Variants in CECR2 observed in about 807,000 individuals in gnomAD.
CECR2 encodes the protein chromatin remodeling regulator CECR2.
CECR2 carries 30 observed loss-of-function variants against 154.5 expected under a neutral mutation model. The observed-to-expected ratio is 0.19, with a 90% CI of 0.15 to 0.26. CECR2 has a LOEUF of 0.26. Ranked by LOEUF, CECR2 falls within the 10% of genes least tolerant of loss-of-function variation. The probability of loss-of-function intolerance (pLI) is 1.00; values close to 1 mark genes in which losing one functional copy is unlikely to be tolerated. For synonymous variants in CECR2, 725 were observed against 683.7 expected (o/e 1.06, Z -0.94); for missense variants, 1,743 against 1,829.3 (o/e 0.95, Z 0.86).
intron 1 of CECR2, among the ~76,000 whole-genome samples, chr22:17,377,973 T>C (rs1361088586): frequency 6.6e-6 from 1 of 152,172 alleles, no homozygotes; most frequent in African/African-American, 2.4e-5. Context: ...GAATGTTATA[T>C]GCGTTTTGTT....
At chr22:17,530,290 G>A (rs977852518) in intron 9 of CECR2, among the ~76,000 whole-genome samples, 22 of 151,518 alleles carry the variant, frequency 1.5e-4, no homozygotes, top group African/African-American at 2.7e-4. Context: ...CAGTGGTGCC[G>A]CGCCCGGCAC....
At chr22:17,422,559 C>T (rs146691479) in intron 1 of CECR2, among the ~76,000 whole-genome samples, 1 of 152,132 alleles carries the variant, frequency 6.6e-6, no homozygotes, top group Admixed American at 6.6e-5. Flanking sequence ...GGTTTGGTGT[C>T]TGACATTAAT....
intron 1 of CECR2, among the ~76,000 whole-genome samples, chr22:17,471,514 TTTA>T (rs771618755): frequency 1.1e-4 from 16 of 151,492 alleles, no homozygotes; most frequent in Middle Eastern, 3.5e-3. Context: ...TGTGGGGTTT[TTTA>T]TTGTTGTTGT....
At chr22:17,428,697 C>T (rs2054369723) in intron 1 of CECR2, among the ~76,000 whole-genome samples, 1 of 152,006 alleles carries the variant, frequency 6.6e-6, no homozygotes, top group Non-Finnish European at 1.5e-5. Flanking sequence ...GGGCTGGTCT[C>T]GAACTCCTGG....
chr22:17,435,391 C>G (rs2054488426), intron 1 of CECR2, among the ~76,000 whole-genome samples: 1 of 152,182 alleles, frequency 6.6e-6, no homozygotes, highest in East Asian at 1.9e-4. Context: ...CAGACCTTGG[C>G]AGAAAGATCG....
At chr22:17,377,433 T>TTC in intron 1 of CECR2, among the ~76,000 whole-genome samples, 1 of 151,810 alleles carries the variant, frequency 6.6e-6, no homozygotes, top group East Asian at 1.9e-4. Context: ...TTACTTCATT[T>TTC]TTTTTTTTTT....
intron 8 of CECR2, among the ~76,000 whole-genome samples, chr22:17,516,528 G>A (rs1382530807): frequency 1.3e-5 from 2 of 152,154 alleles, no homozygotes; most frequent in African/African-American, 4.8e-5. Context: ...GGTAGGAGGT[G>A]ATGAATCATG....
Position 17,434,647 on chromosome 22 carries a change from C to T in CECR2, c.127-42941C>T, listed in dbSNP as rs541420283. Reference sequence around the variant, plus strand: ...CCCCCACTCTTTTTATGCCCGCACCCCCCCTGCTGCTCCCCGTAGCTAAGC... The same window carrying T: ...CCCCCACTCTTTTTATGCCCGCACCTCCCCTGCTGCTCCCCGTAGCTAAGC... On this transcript the variant is annotated intron_variant, in intron 1 of 18. Coordinates refer to ENST00000262608, the MANE Select transcript of CECR2 (RefSeq NM_001290047.2). Among the ~76,000 whole-genome samples, 21 of 150,776 alleles carry T rather than the reference C, an allele frequency of 1.4e-4. No homozygotes were observed. In the East Asian group the frequency reaches 3.9e-3, roughly 28 times the overall value.
rs895747153 is a variant in CECR2, at chr22:17,515,067, AT to A, written c.954+3181del. Among the ~76,000 whole-genome samples, 788 of 150,552 alleles carry A rather than the reference AT, an allele frequency of 5.2e-3. 4 individuals are homozygous for A. The highest frequency in any genetic ancestry group is 0.013 in the African/African-American group (523 of 41,052). ...AGCAGATTTGTTGTTCACAACATAG[AT>A]TTTTTTTTTCTCATATGTGTGTAAT... On this transcript the variant is annotated intron_variant, in intron 8 of 18. Coordinates refer to ENST00000262608, the MANE Select transcript of CECR2 (RefSeq NM_001290047.2).
At chr22:17,543,813 C>A (rs751273737) in intron 16 of CECR2, among the ~76,000 whole-genome samples, 2 of 152,088 alleles carry the variant, frequency 1.3e-5, no homozygotes, top group African/African-American at 4.8e-5. Context: ...CCTGCCTTGG[C>A]CTCCCAAAGT....
At chr22:17,534,857 C>CAAA (rs551773727) in intron 9 of CECR2, 24 of 126,010 alleles carry the variant, frequency 1.9e-4, no homozygotes, top group African/African-American at 2.7e-4. Context: ...AACTCTGTCT[C>CAAA]AAAAAAAAAA....
chr22:17,462,566 A>G (rs887267426), intron 1 of CECR2, among the ~76,000 whole-genome samples: 1 of 152,126 alleles, frequency 6.6e-6, no homozygotes, highest in African/African-American at 2.4e-5. Flanking sequence ...TTTAGTCTGT[A>G]TTGGATATGG....
At chr22:17,499,049 G>C (rs577667666) in intron 3 of CECR2, among the ~76,000 whole-genome samples, 1 of 152,042 alleles carries the variant, frequency 6.6e-6, no homozygotes, top group Non-Finnish European at 1.5e-5. Flanking sequence ...GAGTGCAGTG[G>C]CATGATCTTG....
intron 1 of CECR2, among the ~76,000 whole-genome samples, chr22:17,445,128 T>G (rs1248445815): frequency 6.6e-6 from 1 of 152,224 alleles, no homozygotes; most frequent in African/African-American, 2.4e-5. Flanking sequence ...ATATACCTCA[T>G]ATTAAGTTAT....
rs537544442 is a variant in CECR2 at position 17,548,317 on chromosome 22, C to T, written c.3030C>T (p.Ser1010=). The change falls in exon 17 of 19, where the codon TCC becomes TCT. Residue 1010 remains serine, a synonymous_variant. Coordinates refer to ENST00000262608, the MANE Select transcript of CECR2 (RefSeq NM_001290047.2). ...TVGPELKSSS[S]ESADNCKAMK... ...GCCCGGAGCTCAAAAGCAGCTCCTC[C>T]GAATCTGCGGACAACTGTAAAGCAA... The T allele has an allele frequency of 1.1e-4, 178 of 1,610,894 alleles. No individual in the cohort carries two copies. Among genetic ancestry groups the T allele is most frequent in the Non-Finnish European group, 1.4e-4 (162 of 1,178,578 alleles).
At chr22:17,533,234 C>T (rs559459774) in intron 9 of CECR2, among the ~76,000 whole-genome samples, 5 of 150,896 alleles carry the variant, frequency 3.3e-5, no homozygotes, top group African/African-American at 1.2e-4. Flanking sequence ...GCATGAGAAT[C>T]GCTTGTACCC....
At chr22:17,515,121 A>G (rs1295585505) in intron 8 of CECR2, among the ~76,000 whole-genome samples, 1 of 152,118 alleles carries the variant, frequency 6.6e-6, no homozygotes, top group Non-Finnish European at 1.5e-5. Context: ...GTAATTGTTG[A>G]GAATTCACAT....
chr22:17,546,950 A>G (rs1044947246), intron 16 of CECR2, among the ~76,000 whole-genome samples: 8 of 147,348 alleles, frequency 5.4e-5, no homozygotes, highest in Non-Finnish European at 1.0e-4. Context: ...GGGTCATGAG[A>G]GTCACTTGAA....
At chr22:17,492,047 A>G (rs1193593506) in intron 2 of CECR2, among the ~76,000 whole-genome samples, 1 of 152,236 alleles carries the variant, frequency 6.6e-6, no homozygotes, top group African/African-American at 2.4e-5. Context: ...TAAATGCTTT[A>G]TCAAGTATTC....
Sources: gnomAD v4.1 joint callset for allele counts (sites outside exome capture counted in the v4.1 genomes callset) on GRCh38, gnomAD v4.1.1 for gene constraint, MANE v1.5 for transcripts, NCBI Gene and HGNC (gene_info 2026-07-23, HGNC 2026-07-21) for gene names.